HTR4: variants seen among roughly 807,000 people sequenced by gnomAD.
The protein encoded by HTR4 is 5-hydroxytryptamine (serotonin) receptor 4, G protein-coupled.
HTR4 carries 16 observed loss-of-function variants against 36.8 expected under a neutral mutation model. The ratio of observed to expected loss-of-function variants is 0.43; its 90% CI spans 0.29 to 0.66. The LOEUF (loss-of-function observed/expected upper bound fraction) is 0.66. Ranked by LOEUF, HTR4 falls within the 30% of genes least tolerant of loss-of-function variation. The pLI, the probability that HTR4 is intolerant of heterozygous loss-of-function variation, is 0.13. For missense variants in HTR4, 438 were observed against 490.9 expected, an observed-to-expected ratio of 0.89 and a Z score of 1.02; for synonymous variants, 189 against 185.1, an observed-to-expected ratio of 1.02 and a Z score of -0.17.
At chr5:148,563,970 A>G (rs961422442) in intron 2 of HTR4, among the ~76,000 whole-genome samples, 3 of 152,066 alleles carry the variant, frequency 2.0e-5, no homozygotes, top group Non-Finnish European at 4.4e-5. Context: ...TTAATTAGTT[A>G]TTCTGCCTTG....
intron 2 of HTR4, among the ~76,000 whole-genome samples, chr5:148,615,651 G>A (rs980416959): frequency 6.7e-6 from 1 of 150,062 alleles, no homozygotes; most frequent in African/African-American, 2.5e-5. Context: ...TGCACAATGT[G>A]CACATGTACC....
intron 4 of HTR4, among the ~76,000 whole-genome samples, chr5:148,546,827 C>T (rs1458450434): frequency 1.3e-5 from 2 of 152,188 alleles, no homozygotes; most frequent in Admixed American, 6.5e-5. Flanking sequence ...TTTCTACTTC[C>T]TTACATTGTA....
At chr5:148,581,198 A>AT (rs944893302) in intron 2 of HTR4, among the ~76,000 whole-genome samples, 3 of 151,606 alleles carry the variant, frequency 2.0e-5, no homozygotes, top group Non-Finnish European at 2.9e-5. Flanking sequence ...AGGTTATTTG[A>AT]TTTTTTTGCT....
rs542914714 is a variant in HTR4 at position 148,502,886 on chromosome 5, G to A, written c.1076+6570C>T. On this transcript the variant is annotated intron_variant, in intron 6 of 6. Transcript: ENST00000377888. Reference sequence around the variant, plus strand: ...GCCGATTCGATCAACTGGAAGAAAGGGTATCAGTGATTGAAGATCAAATGA... The same window carrying A: ...GCCGATTCGATCAACTGGAAGAAAGAGTATCAGTGATTGAAGATCAAATGA... Among the ~76,000 whole-genome samples the A allele has an allele frequency of 5.9e-3, 901 of 152,204 alleles. 5 individuals are homozygous for A. The highest frequency in any genetic ancestry group is 0.01 in the Middle Eastern group (3 of 294).
At chr5:148,536,307 A>G (rs571478287) in intron 4 of HTR4, among the ~76,000 whole-genome samples, 52 of 152,296 alleles carry the variant, frequency 3.4e-4, no homozygotes, top group Non-Finnish European at 4.6e-4. Context: ...GACCAATGAT[A>G]TATAAAGCAA....
intron 5 of HTR4, among the ~76,000 whole-genome samples, chr5:148,452,558 A>T (rs1373306119): frequency 6.6e-6 from 1 of 152,184 alleles, no homozygotes; most frequent in Non-Finnish European, 1.5e-5. Context: ...ACAACAAAGA[A>T]TTATCTGGCC....
chr5:148,537,050 G>A (rs1041028046), intron 4 of HTR4, among the ~76,000 whole-genome samples: 5 of 151,998 alleles, frequency 3.3e-5, no homozygotes, highest in East Asian at 1.9e-4. Flanking sequence ...TTCAGACCAC[G>A]ATGCAATAAA....
intron 2 of HTR4, among the ~76,000 whole-genome samples, chr5:148,631,258 A>T (rs1270127252): frequency 6.6e-6 from 1 of 152,192 alleles, no homozygotes; most frequent in African/African-American, 2.4e-5. Context: ...TCAAGCAGTG[A>T]AGTTGAGTAT....
intron 2 of HTR4, among the ~76,000 whole-genome samples, chr5:148,578,694 T>A (rs1761021786): frequency 6.6e-6 from 1 of 152,074 alleles, no homozygotes; most frequent in African/African-American, 2.4e-5. Flanking sequence ...TTATTTTCTG[T>A]GCTTCGGGTG....
chr5:148,649,603 G>A (rs955376958), intron 1 of HTR4, among the ~76,000 whole-genome samples: 1 of 152,168 alleles, frequency 6.6e-6, no homozygotes, highest in Non-Finnish European at 1.5e-5. Flanking sequence ...GTAGCAGTGG[G>A]GGTAGGTGGA....
chr5:148,605,566 T>C (rs1376537576), intron 2 of HTR4, among the ~76,000 whole-genome samples: 1 of 151,992 alleles, frequency 6.6e-6, no homozygotes, highest in African/African-American at 2.4e-5. Context: ...CCTCACAGAT[T>C]GCATTTTCAT....
intron 5 of HTR4, among the ~76,000 whole-genome samples, chr5:148,459,942 T>C (rs1755223444): frequency 6.6e-6 from 1 of 152,058 alleles, no homozygotes. Context: ...AGCAATGAGA[T>C]GGAAATTCTG....
At chr5:148,453,598 A>G (rs1210466425) in intron 5 of HTR4, among the ~76,000 whole-genome samples, 2 of 152,198 alleles carry the variant, frequency 1.3e-5, no homozygotes, top group African/African-American at 4.8e-5. Flanking sequence ...GCATATCTGA[A>G]GAACCTCAAG....
intron 5 of HTR4, among the ~76,000 whole-genome samples, chr5:148,522,469 G>C (rs1402581563): frequency 2.0e-5 from 3 of 152,144 alleles, no homozygotes; most frequent in Non-Finnish European, 4.4e-5. Context: ...TTTCTCATCT[G>C]AGAAATGGGG....
At chr5:148,480,816 T>A (rs1755854269), downstream of HTR4, among the ~76,000 whole-genome samples, 1 of 152,210 alleles carries the variant, frequency 6.6e-6, no homozygotes, top group Non-Finnish European at 1.5e-5. Context: ...GGTAAATAAA[T>A]TCATAGTCCT....
At chr5:148,463,737 C>T (rs918169247) in intron 5 of HTR4, among the ~76,000 whole-genome samples, 5 of 150,238 alleles carry the variant, frequency 3.3e-5, no homozygotes, top group African/African-American at 1.2e-4. Context: ...ATAACTAATT[C>T]TAAAGTTTAT....
intron 6 of HTR4, among the ~76,000 whole-genome samples, chr5:148,501,251 GA>G (rs1756921797): frequency 6.6e-6 from 1 of 152,088 alleles, no homozygotes; most frequent in Admixed American, 6.6e-5. Flanking sequence ...ACAAGATGTA[GA>G]AAAGTACATA....
intron 2 of HTR4, among the ~76,000 whole-genome samples, chr5:148,632,530 C>T (rs2127301381): frequency 6.6e-6 from 1 of 152,198 alleles, no homozygotes. Context: ...GCAGAAGCTA[C>T]CGTTAAAAAG....
At chr5:148,516,745 G>A (rs1368387) in intron 5 of HTR4, among the ~76,000 whole-genome samples, 23,701 of 151,690 alleles carry the variant, frequency 0.16, 3,375 homozygotes, top group African/African-American at 0.37. Context: ...GCTTCCTACA[G>A]GGTCTGGTGA....
Sources: allele counts gnomAD v4.1 joint callset (sites outside exome capture counted in the v4.1 genomes callset), GRCh38; gene constraint gnomAD v4.1.1; transcripts MANE v1.5; gene names NCBI Gene and HGNC (gene_info 2026-07-23, HGNC 2026-07-21).